SLC19A3: variants seen among roughly 807,000 people sequenced by gnomAD.
SLC19A3 encodes thiamine transporter 2.
SLC19A3 carries 31 observed loss-of-function variants against 40.2 expected under a neutral mutation model. The ratio of observed to expected loss-of-function variants is 0.77; its 90% CI spans 0.58 to 1.04. The LOEUF is 1.04. Ranked by LOEUF, SLC19A3 falls within the 50% of genes least tolerant of loss-of-function variation. SLC19A3 has a pLI of 0.00. For synonymous variants in SLC19A3, 212 were observed against 227.5 expected (o/e 0.93, Z 0.61); for missense variants, 592 against 596.7 (o/e 0.99, Z 0.08).
chr2:227,692,445 A>T (rs776243555), intron 4 of SLC19A3, among the ~76,000 whole-genome samples: 1 of 152,272 alleles, frequency 6.6e-6, no homozygotes, highest in Non-Finnish European at 1.5e-5. Context: ...AGAATGAAGG[A>T]CAAAAACTAT....
chr2:227,687,524 A>C lies in SLC19A3; in HGVS notation c.1364T>G (p.Met455Arg), dbSNP rs1308805272. ...TGAGTAGGTAATATACATGCTTCTC[A>C]TTAGGAAAATTCCAGCAATTACTGC... ...YFAVIAGIFL[M>R]RSMYITYSTK... The change falls in exon 6 of 6, where the codon ATG (methionine) becomes AGG (arginine). Residue 455 changes from methionine to arginine, a missense_variant. By Grantham distance (91) the Met-to-Arg change is moderately conservative. Transcript: ENST00000644224. 1.6e-5 allele frequency: 26 copies of C among 1,614,010 alleles called. No homozygotes were observed. The highest frequency in any genetic ancestry group is 1.9e-5 in the Non-Finnish European group (22 of 1,179,996).
At chr2:227,713,769 A>G (rs999966616) in intron 1 of SLC19A3, among the ~76,000 whole-genome samples, 3 of 149,774 alleles carry the variant, frequency 2.0e-5, no homozygotes, top group African/African-American at 7.3e-5. Flanking sequence ...TTAAGAAAAA[A>G]AAGATGTACT....
At chr2:227,692,931 A>G (rs958432910) in intron 4 of SLC19A3, among the ~76,000 whole-genome samples, 1 of 152,228 alleles carries the variant, frequency 6.6e-6, no homozygotes, top group African/African-American at 2.4e-5. Flanking sequence ...AAAAGAAATC[A>G]AGAAAGTAAT....
At chr2:227,700,922 T>C (rs1319918271) in intron 2 of SLC19A3, 1 of 1,299,708 alleles carries the variant, frequency 7.7e-7, no homozygotes. Context: ...CCTTGACACC[T>C]GGATCACTGA....
intron 1 of SLC19A3, 72 bp from the exon 2 acceptor site, chr2:227,702,392 C>A: frequency 6.8e-7 from 1 of 1,478,586 alleles, no homozygotes; most frequent in African/African-American, 1.6e-5. Flanking sequence ...CGATGAAAAC[C>A]TGATTTTTTT....
At chr2:227,700,819 TG>T in intron 2 of SLC19A3, 1 of 761,160 alleles carries the variant, frequency 1.3e-6, no homozygotes, top group Non-Finnish European at 1.9e-6. Flanking sequence ...CAGAAATGCA[TG>T]GGATCTCAAT....
chr2:227,706,481 T>C, intron 1 of SLC19A3: 9 of 1,224,198 alleles, frequency 7.4e-6, no homozygotes, highest in Non-Finnish European at 9.2e-6. Context: ...AGATTAAAAA[T>C]TTTAAAAGGC....
intron 1 of SLC19A3, chr2:227,714,556 T>C (rs898122868): frequency 1.0e-6 from 1 of 985,372 alleles, no homozygotes; most frequent in Admixed American, 6.2e-5. Context: ...TGAAAATCCC[T>C]TTCCATACCC....
intron 2 of SLC19A3, among the ~76,000 whole-genome samples, chr2:227,699,875 A>C (rs13400826): frequency 6.6e-6 from 1 of 152,074 alleles, no homozygotes; most frequent in Non-Finnish European, 1.5e-5. Flanking sequence ...CACTTCTAAG[A>C]TTTTCCGATT....
intron 4 of SLC19A3, among the ~76,000 whole-genome samples, chr2:227,692,019 C>A (rs533243526): frequency 2.1e-4 from 32 of 152,008 alleles, no homozygotes; most frequent in Non-Finnish European, 4.3e-4. Context: ...TCCGATTGAA[C>A]CATGAAGAAA....
In SLC19A3 at chr2:227,703,965, G is replaced by C. The variant is rs114488663; in HGVS notation, c.-2-1645C>G. 0.024 allele frequency among the ~76,000 whole-genome samples: 2,001 copies of C among 84,414 alleles called. 52 individuals are homozygous for C. Among genetic ancestry groups the C allele is most frequent in the African/African-American group, 0.075 (1,884 of 25,078 alleles). The allele number at this position is 84,414 out of a possible 152,430, so 55.4% of individuals were successfully genotyped here. ...TAATACAGCTGTCCAAATCGATTTA[G>C]TTGGGATGGTCAAGCAGAAAAAAAC... is the stretch of plus-strand genomic sequence containing the variant. On this transcript the variant is annotated intron_variant, in intron 1 of 5. Transcript: ENST00000644224. The surrounding 1 kb of genome is among the most constrained non-coding windows in gnomAD (Gnocchi z 4.7).
At chr2:227,699,783 A>G (rs960103819) in intron 2 of SLC19A3, among the ~76,000 whole-genome samples, 2 of 152,190 alleles carry the variant, frequency 1.3e-5, no homozygotes, top group African/African-American at 4.8e-5. Flanking sequence ...AGAAAAATAT[A>G]TTGGCTTATT....
intron 1 of SLC19A3, among the ~76,000 whole-genome samples, chr2:227,716,832 G>A (rs1026251523): frequency 4.0e-5 from 6 of 151,870 alleles, no homozygotes; most frequent in Admixed American, 3.9e-4. Flanking sequence ...GAAGGAAATT[G>A]GTATTTTTGT....
At chr2:227,697,130 C>T (rs913613990) in intron 3 of SLC19A3, among the ~76,000 whole-genome samples, 1 of 151,984 alleles carries the variant, frequency 6.6e-6, no homozygotes, top group African/African-American at 2.4e-5. Flanking sequence ...ACTAACTTTC[C>T]CACATGTGAT....
At chr2:227,713,589 G>A (rs1319892210) in intron 1 of SLC19A3, among the ~76,000 whole-genome samples, 1 of 152,002 alleles carries the variant, frequency 6.6e-6, no homozygotes, top group Non-Finnish European at 1.5e-5. Flanking sequence ...TGCAGCCTTA[G>A]CCCTCTGACC....
chr2:227,691,605 C>T (rs1695232005), intron 4 of SLC19A3, among the ~76,000 whole-genome samples: 1 of 151,892 alleles, frequency 6.6e-6, no homozygotes, highest in Admixed American at 6.6e-5. Context: ...TAGTAAGACC[C>T]TGTCTCTTAA....
intron 1 of SLC19A3, among the ~76,000 whole-genome samples, chr2:227,715,590 C>T (rs575331177): frequency 1.3e-5 from 2 of 152,202 alleles, no homozygotes; most frequent in East Asian, 1.9e-4. Context: ...TTTTAATTTG[C>T]ATGAGGTGTT....
intron 1 of SLC19A3, among the ~76,000 whole-genome samples, chr2:227,709,474 A>G (rs999015267): frequency 1.3e-5 from 2 of 152,012 alleles, no homozygotes; most frequent in Non-Finnish European, 2.9e-5. Context: ...ACAGAGCGAG[A>G]CTCTGTCCCA....
Position 227,702,130 on chromosome 2 carries a change from TA to T in SLC19A3, c.150+38del, listed in dbSNP as rs756557826. The T allele has an allele frequency of 8.9e-6, 14 of 1,577,504 alleles. No homozygotes were observed. In the East Asian group the frequency reaches 2.9e-4, roughly 33 times the overall value. ...ATCCTTGTTCAAGTCCCATAAAATT[TA>T]AAAAACCACATTAAGATATGTATGT... On this transcript the variant is annotated intron_variant, in intron 2 of 5. Transcript: ENST00000644224.
Sources: allele counts gnomAD v4.1 joint callset (sites outside exome capture counted in the v4.1 genomes callset), GRCh38; gene constraint gnomAD v4.1.1; non-coding constraint Gnocchi (gnomAD v3.1); transcripts MANE v1.5; gene names NCBI Gene and HGNC (gene_info 2026-07-23, HGNC 2026-07-21).